CHD9: variants seen among roughly 807,000 people sequenced by gnomAD.
CHD9 encodes the protein ATP-dependent chromatin remodeler CHD9.
Under a neutral mutation model 316.1 loss-of-function variants are expected in CHD9, and 77 were observed. That is an observed-to-expected ratio of 0.24 (90% CI 0.20 to 0.29). The LOEUF (loss-of-function observed/expected upper bound fraction) is 0.29, where lower values mean the gene tolerates loss of function less well. CHD9 is among the 10% of genes least tolerant of loss of function. CHD9 has a pLI of 1.00. For missense variants in CHD9, 2,763 were observed against 3,438.1 expected (o/e 0.80, Z 4.91); for synonymous variants, 1,129 against 1,158.3 (o/e 0.97, Z 0.51).
At chr16:53,261,358 A>ATTT (rs1597699837) in intron 19 of CHD9, among the ~76,000 whole-genome samples, 5 of 79,288 alleles carry the variant, frequency 6.3e-5, no homozygotes, top group African/African-American at 1.8e-4. Flanking sequence ...GGTGTTTTAG[A>ATTT]CTTTTTTTTT....
chr16:53,295,398 A>G (rs2054689022), intron 29 of CHD9, among the ~76,000 whole-genome samples: 1 of 152,168 alleles, frequency 6.6e-6, no homozygotes, highest in African/African-American at 2.4e-5. Context: ...AAGTGCTGGG[A>G]TTACAGGCAT....
rs1056131086 is a variant in CHD9, at chr16:53,321,960, G to T, written c.7818+330G>T. ...TGAGAATAAATTAATAGTTCATTAA[G>T]ATTCTGGAAAACTATGCAATTTTTT... On this transcript the variant is annotated intron_variant, in intron 38 of 38. Coordinates refer to ENST00000447540, the MANE Select transcript of CHD9 (RefSeq NM_001308319.2). Among the ~76,000 whole-genome samples the T allele has an allele frequency of 2.0e-5, 3 of 150,412 alleles. No homozygotes were observed. In the East Asian group the frequency reaches 5.9e-4, roughly 29 times the overall value.
In CHD9 at chr16:53,285,524, C is replaced by T. The variant is rs189253505; in HGVS notation, c.4968-72C>T. On this transcript the variant is annotated intron_variant, in intron 24 of 38. Transcript: ENST00000447540. The stretch of plus-strand genomic sequence containing the variant: ...CTTGAAAGCCACAGTGCTTTAAAAG[C>T]TAGGTAAAATTTTGCCTCCTTTTTG... 3.9e-4 allele frequency: 298 copies of T among 759,376 alleles called. 5 individuals carry two copies. Among genetic ancestry groups the T allele is most frequent in the South Asian group, 3.7e-3 (178 of 48,488 alleles). The allele number at this position is 759,376 out of a possible 1,614,324, so 47.0% of individuals were successfully genotyped here.
intron 3 of CHD9, among the ~76,000 whole-genome samples, chr16:53,218,062 CT>C: frequency 6.6e-6 from 1 of 151,778 alleles, no homozygotes; most frequent in South Asian, 2.1e-4. Flanking sequence ...TCAGAATTGA[CT>C]TTTTTCCTAT....
intron 2 of CHD9, among the ~76,000 whole-genome samples, chr16:53,180,315 G>GT (rs2043405266): frequency 6.6e-6 from 1 of 152,026 alleles, no homozygotes; most frequent in African/African-American, 2.4e-5. Flanking sequence ...CCTTACCTTT[G>GT]TTTTAATGTG....
intron 1 of CHD9, among the ~76,000 whole-genome samples, chr16:53,064,887 T>G (rs1488528337): frequency 6.6e-6 from 1 of 151,982 alleles, no homozygotes; most frequent in Non-Finnish European, 1.5e-5. Context: ...GAGAATCAGC[T>G]GAACACAGGA....
At chr16:53,291,844 T>C in intron 28 of CHD9, 77 bp downstream of exon 28, 1 of 868,378 alleles carries the variant, frequency 1.2e-6, no homozygotes, top group Non-Finnish European at 1.7e-6. Flanking sequence ...AGTAAACTAT[T>C]ACACTTTTAT....
At chr16:53,182,921 A>G (rs1171770731) in intron 2 of CHD9, among the ~76,000 whole-genome samples, 1 of 152,190 alleles carries the variant, frequency 6.6e-6, no homozygotes, top group African/African-American at 2.4e-5. Context: ...ATATGTATGA[A>G]TGTGTGAATA....
chr16:53,236,191 C>CAGTA (rs1023971566), intron 11 of CHD9, among the ~76,000 whole-genome samples: 4 of 152,102 alleles, frequency 2.6e-5, no homozygotes, highest in Non-Finnish European at 5.9e-5. Context: ...CTTCCCTCAT[C>CAGTA]AGTACCCTTT....
chr16:53,110,871 T>G (rs779468800), intron 1 of CHD9, among the ~76,000 whole-genome samples: 3 of 152,182 alleles, frequency 2.0e-5, no homozygotes, highest in Non-Finnish European at 4.4e-5. Flanking sequence ...GTGTGTGATC[T>G]CTGACATAAA....
At chr16:53,208,116 C>T (rs1211299603) in intron 2 of CHD9, 3 of 1,036,660 alleles carry the variant, frequency 2.9e-6, no homozygotes, top group Admixed American at 1.1e-4. Context: ...TTTTTCATAC[C>T]TAAATAGGAT....
chr16:53,308,876 G>T, intron 34 of CHD9, 22 bp downstream of exon 34: 2 of 1,566,204 alleles, frequency 1.3e-6, no homozygotes, highest in Non-Finnish European at 1.7e-6. Flanking sequence ...AGTAATAATT[G>T]TCTTACTATG....
At chr16:53,057,452 A>G (rs111701399) in intron 1 of CHD9, among the ~76,000 whole-genome samples, 42,038 of 151,862 alleles carry the variant, frequency 0.28, 7,316 homozygotes, top group Non-Finnish European at 0.39. Flanking sequence ...CAAGAGTTCG[A>G]GACCAGCCTG....
At chr16:53,263,266 C>T (rs1413828860) in intron 20 of CHD9, among the ~76,000 whole-genome samples, 169 bp downstream of exon 20, 1 of 152,118 alleles carries the variant, frequency 6.6e-6, no homozygotes. Context: ...CAATTTAATA[C>T]ATCTAATATC....
intron 2 of CHD9, among the ~76,000 whole-genome samples, chr16:53,204,456 G>A (rs1156611800): frequency 6.6e-6 from 1 of 152,172 alleles, no homozygotes; most frequent in African/African-American, 2.4e-5. Context: ...AGGAAAAGGC[G>A]AGTAACAGGT....
chr16:53,305,528 A>G (rs1198674119), intron 31 of CHD9, among the ~76,000 whole-genome samples: 4 of 152,254 alleles, frequency 2.6e-5, no homozygotes, highest in Non-Finnish European at 4.4e-5. Context: ...ATTGTCTTAA[A>G]TTGAATATTT....
At chr16:53,278,844 A>T (rs2053127756) in intron 24 of CHD9, among the ~76,000 whole-genome samples, 1 of 152,190 alleles carries the variant, frequency 6.6e-6, no homozygotes, top group Non-Finnish European at 1.5e-5. Flanking sequence ...GCGATCATTA[A>T]AAAGTCAGGA....
chr16:53,105,586 G>A (rs1247110464), intron 1 of CHD9, among the ~76,000 whole-genome samples: 1 of 152,258 alleles, frequency 6.6e-6, no homozygotes, highest in African/African-American at 2.4e-5. Flanking sequence ...ATACGCCAGT[G>A]AATAACCTTT....
At chr16:53,075,465 C>T (rs768530042) in intron 1 of CHD9, among the ~76,000 whole-genome samples, 3 of 152,122 alleles carry the variant, frequency 2.0e-5, no homozygotes, top group South Asian at 2.1e-4. Flanking sequence ...TACCCCCACC[C>T]GAATTTCATC....
Sources: gnomAD v4.1 joint callset for allele counts (sites outside exome capture counted in the v4.1 genomes callset) on GRCh38, gnomAD v4.1.1 for gene constraint, MANE v1.5 for transcripts, NCBI Gene and HGNC (gene_info 2026-07-23, HGNC 2026-07-21) for gene names.